OPCML: variants seen among roughly 807,000 people sequenced by gnomAD.
OPCML encodes the protein opioid-binding protein/cell adhesion molecule.
Under a neutral mutation model 37.8 loss-of-function variants are expected in OPCML, and 13 were observed. The observed-to-expected ratio is 0.34, with a 90% CI of 0.22 to 0.55. The LOEUF is 0.55. Among genes scored for constraint, OPCML ranks in the 20% least tolerant of loss-of-function variants. The pLI is 0.91. For missense variants in OPCML, 341 were observed against 435.6 expected (o/e 0.78, Z 1.93); for synonymous variants, 176 against 168.8 (o/e 1.04, Z -0.33).
In OPCML at chr11:132,420,168, T is replaced by C; in HGVS notation, c.*25A>G. ...GTCTGTGATATGGAGAAGCAGGCGT[T>C]GCTCAGAGGACCTAGGATTTCTTAT... On this transcript the variant is annotated 3_prime_UTR_variant, in exon 8 of 8. Coordinates refer to ENST00000524381, the MANE Select transcript of OPCML (RefSeq NM_001012393.5). The C allele has an allele frequency of 6.2e-7, 1 of 1,607,228 alleles. No homozygotes were observed. The highest frequency in any genetic ancestry group is 8.5e-7 in the Non-Finnish European group (1 of 1,173,856).
intron 2 of OPCML, chr11:132,657,554 A>G (rs1941769367): frequency 2.3e-6 from 1 of 430,666 alleles, no homozygotes; most frequent in African/African-American, 2.2e-5. Flanking sequence ...GAGACATATT[A>G]TGTATCTTTG....
chr11:132,486,758 G>A (rs1250278734), intron 4 of OPCML, among the ~76,000 whole-genome samples: 1 of 150,776 alleles, frequency 6.6e-6, no homozygotes, highest in Non-Finnish European at 1.5e-5. Context: ...TTTGGGAAAT[G>A]TTGGTATAAA....
Position 132,461,620 on chromosome 11 carries a change from A to G in OPCML, c.506-24261T>C, listed in dbSNP as rs374106544. 1.6e-4 allele frequency among the ~76,000 whole-genome samples: 24 copies of G among 152,330 alleles called. No individual in the cohort carries two copies. In the South Asian group the frequency reaches 5.0e-3, roughly 32 times the overall value. On this transcript the variant is annotated intron_variant, in intron 4 of 7. Coordinates refer to ENST00000524381, the MANE Select transcript of OPCML (RefSeq NM_001012393.5). The stretch of plus-strand genomic sequence containing the variant: ...AATTAGACCCTGGGAGCAAGTAGCA[A>G]GAACTTGGCCTTATAGCTGTGTTTT...
chr11:132,955,342 G>T (rs924750144), intron 1 of OPCML, among the ~76,000 whole-genome samples: 4 of 152,028 alleles, frequency 2.6e-5, no homozygotes, highest in Admixed American at 2.0e-4. Context: ...AATTGTTTCA[G>T]GTCAAAACAC....
At chr11:133,227,163 G>A (rs1287903257) in intron 1 of OPCML, among the ~76,000 whole-genome samples, 2 of 152,084 alleles carry the variant, frequency 1.3e-5, no homozygotes, top group African/African-American at 2.4e-5. Context: ...CAATGGCCCC[G>A]GAGGGATCCT....
intron 2 of OPCML, among the ~76,000 whole-genome samples, chr11:132,693,670 T>A (rs901484761): frequency 2.6e-5 from 4 of 152,214 alleles, no homozygotes; most frequent in Middle Eastern, 3.2e-3. Flanking sequence ...TAATTGCCAA[T>A]TTGAGAAAAT....
chr11:132,595,088 GTC>G (rs1270731969), intron 3 of OPCML, among the ~76,000 whole-genome samples: 1 of 151,984 alleles, frequency 6.6e-6, no homozygotes, highest in African/African-American at 2.4e-5. Flanking sequence ...AGTGAATTTT[GTC>G]TCTCTGTGAA....
chr11:133,005,315 C>T (rs1947088389), intron 1 of OPCML: 1 of 985,382 alleles, frequency 1.0e-6, no homozygotes, highest in Non-Finnish European at 1.2e-6. Context: ...TCCATTCCCC[C>T]ACATTGCTTG....
At chr11:132,745,243 T>C (rs560122774) in intron 2 of OPCML, among the ~76,000 whole-genome samples, 2 of 152,288 alleles carry the variant, frequency 1.3e-5, no homozygotes, top group South Asian at 4.1e-4. Flanking sequence ...TGCCAGCCGC[T>C]TCTTTCCAAC....
At chr11:133,439,015 A>G (rs1335670925) in intron 1 of OPCML, among the ~76,000 whole-genome samples, 2 of 152,080 alleles carry the variant, frequency 1.3e-5, no homozygotes, top group East Asian at 1.9e-4. Flanking sequence ...CCTGAGTTCT[A>G]TTCTGTATAA....
chr11:132,613,853 G>T (rs966195268), intron 3 of OPCML, among the ~76,000 whole-genome samples: 1 of 152,102 alleles, frequency 6.6e-6, no homozygotes, highest in Non-Finnish European at 1.5e-5. Flanking sequence ...GGGTATGCTT[G>T]CATGGAATGA....
At chr11:132,519,456 T>G (rs2096287380) in intron 4 of OPCML, among the ~76,000 whole-genome samples, 1 of 152,030 alleles carries the variant, frequency 6.6e-6, no homozygotes, top group African/African-American at 2.4e-5. Context: ...AGAAGGAGAT[T>G]CTCAGGAATT....
intron 1 of OPCML, among the ~76,000 whole-genome samples, chr11:133,405,473 T>G (rs1297360757): frequency 3.9e-5 from 6 of 152,358 alleles, no homozygotes; most frequent in African/African-American, 1.4e-4. Flanking sequence ...TGTTGCCATC[T>G]GCATTTGGGT....
intron 1 of OPCML, among the ~76,000 whole-genome samples, chr11:133,439,771 C>G (rs1012525465): frequency 4.0e-5 from 6 of 151,890 alleles, no homozygotes; most frequent in African/African-American, 1.5e-4. Flanking sequence ...CCGGCCCAAC[C>G]TAAGTCTTAT....
intron 2 of OPCML, among the ~76,000 whole-genome samples, chr11:132,788,442 A>G (rs1937658317): frequency 6.6e-6 from 1 of 152,134 alleles, no homozygotes; most frequent in Non-Finnish European, 1.5e-5. Flanking sequence ...CCTTATATCT[A>G]AGGATAACAC....
At chr11:133,224,994 G>A (rs998807981) in intron 1 of OPCML, among the ~76,000 whole-genome samples, 2 of 152,170 alleles carry the variant, frequency 1.3e-5, no homozygotes, top group Non-Finnish European at 2.9e-5. Context: ...AACGCTTGCA[G>A]TCATCTCTTT....
At chr11:133,077,107 G>A (rs1948632528) in intron 1 of OPCML, among the ~76,000 whole-genome samples, 1 of 152,092 alleles carries the variant, frequency 6.6e-6, no homozygotes, top group Admixed American at 6.5e-5. Context: ...GTTCTCTAGA[G>A]TGATGCTAGG....
chr11:132,687,584 T>C (rs1405295355), intron 2 of OPCML, among the ~76,000 whole-genome samples: 2 of 151,676 alleles, frequency 1.3e-5, no homozygotes, highest in African/African-American at 2.4e-5. Context: ...TTTTCTTTTT[T>C]AATCCCTCAA....
Position 133,388,684 on chromosome 11 carries a change from T to C in OPCML, c.61+143580A>G, listed in dbSNP as rs115835597. 3.8e-3 allele frequency among the ~76,000 whole-genome samples: 577 copies of C among 152,270 alleles called. 4 individuals are homozygous for C. The highest frequency in any genetic ancestry group is 0.013 in the African/African-American group (545 of 41,552). ...TCTGAAATGCTCTGCTCTGCATGGGTTCATTTCAGTGAATTCCATTGCCCC... is the reference window on the plus strand; with the variant it reads ...TCTGAAATGCTCTGCTCTGCATGGGCTCATTTCAGTGAATTCCATTGCCCC... On this transcript the variant is annotated intron_variant, in intron 1 of 7. Transcript: ENST00000524381.
Sources: allele counts gnomAD v4.1 joint callset (sites outside exome capture counted in the v4.1 genomes callset), GRCh38; gene constraint gnomAD v4.1.1; transcripts MANE v1.5; gene names NCBI Gene and HGNC (gene_info 2026-07-23, HGNC 2026-07-21).